The following HSD17B12 variants were observed in gnomAD, a reference collection of about 807,000 sequenced individuals.
The protein encoded by HSD17B12 is hydroxysteroid 17-beta dehydrogenase 12, also known as very-long-chain 3-oxoacyl-CoA reductase.
A neutral mutation model predicts 39.3 loss-of-function variants in HSD17B12; 32 were observed. That is an observed-to-expected ratio of 0.81 (90% CI 0.61 to 1.09). The LOEUF (loss-of-function observed/expected upper bound fraction) is 1.09, where lower values mean the gene tolerates loss of function less well. HSD17B12 is among the 50% of genes least tolerant of loss of function. The probability of loss-of-function intolerance (pLI) is 0.00; values close to 1 mark genes in which losing one functional copy is unlikely to be tolerated. For missense variants in HSD17B12, 342 were observed against 382.9 expected (o/e 0.89, Z 0.89); for synonymous variants, 150 against 146.7 (o/e 1.02, Z -0.16).
At chr11:43,733,898 A>C in intron 1 of HSD17B12, 1 of 685,314 alleles carries the variant, frequency 1.5e-6, no homozygotes, top group East Asian at 2.9e-5. Flanking sequence ...GGAGTACAGG[A>C]CATTGTAGTA....
At chr11:43,758,845 A>G (rs16937624) in intron 3 of HSD17B12, among the ~76,000 whole-genome samples, 8,214 of 152,266 alleles carry the variant, frequency 0.054, 258 homozygotes, top group East Asian at 0.11. Context: ...ATGAACTGTC[A>G]TACCACTTAT....
At chr11:43,619,174 T>TATC in the HSD17B12 span, among the ~76,000 whole-genome samples, 1 of 79,220 alleles carries the variant, frequency 1.3e-5, no homozygotes, top group South Asian at 4.0e-4. Context: ...GATATATATA[T>TATC]ATATATAAAA....
the HSD17B12 span, among the ~76,000 whole-genome samples, chr11:43,638,460 G>A: frequency 6.6e-6 from 1 of 152,126 alleles, no homozygotes; most frequent in East Asian, 1.9e-4. Flanking sequence ...AAAGGGCAAA[G>A]AGATAATCTA....
chr11:43,796,795 A>G (rs1183996168), intron 3 of HSD17B12, among the ~76,000 whole-genome samples: 1 of 151,898 alleles, frequency 6.6e-6, no homozygotes, highest in Non-Finnish European at 1.5e-5. Context: ...TTATTCTTGA[A>G]TGAAGTTTTT....
chr11:43,767,157 T>TTTTGAA (rs1950602798), intron 3 of HSD17B12, among the ~76,000 whole-genome samples: 1 of 151,826 alleles, frequency 6.6e-6, no homozygotes, highest in Non-Finnish European at 1.5e-5. Flanking sequence ...TTTAAAACAG[T>TTTTGAA]AAAGGGTCTT....
At chr11:43,632,535 A>T in the HSD17B12 span, among the ~76,000 whole-genome samples, 5,283 of 151,918 alleles carry the variant, frequency 0.035, 132 homozygotes, top group Middle Eastern at 0.058. Flanking sequence ...TGTATTTGCC[A>T]TTTTTTTTCC....
rs1479036564 is a variant in HSD17B12, at chr11:43,680,863, C to T, written c.36C>T (p.Tyr12=). The T allele has an allele frequency of 3.9e-5, 63 of 1,614,038 alleles. No individual in the cohort carries two copies. Among genetic ancestry groups the T allele is most frequent in the Non-Finnish European group, 5.1e-5 (60 of 1,180,036 alleles). ...CTCTCCCCGCCGCCGGCTTCCTGTA[C>T]TGGGTCGGCGCGGGCACCGTGGCCT... The part of the protein sequence containing the change: ...ESALPAAGFL[Y]WVGAGTVAYL... The change falls in exon 1 of 11, where the codon TAC becomes TAT. Residue 12 remains tyrosine (Y), a synonymous_variant. Coordinates refer to ENST00000278353, the MANE Select transcript of HSD17B12 (RefSeq NM_016142.3).
intron 9 of HSD17B12, 65 bp from the exon 10 acceptor site, chr11:43,854,650 A>G: frequency 6.5e-7 from 1 of 1,545,142 alleles, no homozygotes; most frequent in Non-Finnish European, 8.9e-7. Flanking sequence ...GCACCACTGT[A>G]CATTCTGAGT....
intron 9 of HSD17B12, among the ~76,000 whole-genome samples, chr11:43,842,413 G>A (rs1951435535): frequency 6.6e-6 from 1 of 152,164 alleles, no homozygotes; most frequent in South Asian, 2.1e-4. Context: ...GGGAAGCTTA[G>A]ATGTCATAGC....
chr11:43,846,048 G>T (rs16937657), intron 9 of HSD17B12, among the ~76,000 whole-genome samples: 2,139 of 152,300 alleles, frequency 0.014, 68 homozygotes, highest in African/African-American at 0.047. Flanking sequence ...TCATCGGTGT[G>T]CCTTGAGGCA....
the HSD17B12 span, among the ~76,000 whole-genome samples, chr11:43,647,063 C>G: frequency 6.6e-6 from 1 of 152,080 alleles, no homozygotes; most frequent in Non-Finnish European, 1.5e-5. Context: ...AAAATGAAAG[C>G]CTTTAATTCT....
intron 1 of HSD17B12, among the ~76,000 whole-genome samples, chr11:43,714,752 A>G (rs1475240309): frequency 6.6e-6 from 1 of 152,188 alleles, no homozygotes; most frequent in Admixed American, 6.5e-5. Context: ...CTTCCTATCT[A>G]TGAGCATGGA....
chr11:43,683,249 G>C (rs2134739418), intron 1 of HSD17B12, among the ~76,000 whole-genome samples: 3 of 152,166 alleles, frequency 2.0e-5, no homozygotes, highest in Middle Eastern at 3.4e-3. Context: ...TTTGGCCCCA[G>C]AGGAAGGATA....
At chr11:43,730,205 T>G (rs1227925802) in intron 1 of HSD17B12, among the ~76,000 whole-genome samples, 1 of 152,220 alleles carries the variant, frequency 6.6e-6, no homozygotes, top group Non-Finnish European at 1.5e-5. Flanking sequence ...CAGGTTGATT[T>G]AGCTAGCAGA....
the HSD17B12 span, among the ~76,000 whole-genome samples, chr11:43,568,173 C>T: frequency 7.9e-5 from 12 of 152,196 alleles, no homozygotes; most frequent in African/African-American, 2.9e-4. Flanking sequence ...GATCTTGGCT[C>T]ACTGCAACCT....
At chr11:43,826,454 C>T (rs925982619) in intron 6 of HSD17B12, among the ~76,000 whole-genome samples, 1 of 151,982 alleles carries the variant, frequency 6.6e-6, no homozygotes, top group Admixed American at 6.6e-5. Context: ...TATTAATTGG[C>T]ATGGAGCTCT....
chr11:43,687,187 T>C (rs1949809335), intron 1 of HSD17B12, among the ~76,000 whole-genome samples: 1 of 152,218 alleles, frequency 6.6e-6, no homozygotes, highest in Non-Finnish European at 1.5e-5. Flanking sequence ...TTCTTGTCAC[T>C]CTTAGCAAAA....
intron 1 of HSD17B12, among the ~76,000 whole-genome samples, chr11:43,737,083 T>C (rs555829779): frequency 1.2e-3 from 178 of 152,284 alleles, no homozygotes; most frequent in African/African-American, 4.0e-3. Context: ...CAATCGAGTG[T>C]TTTCTGCATT....
At chr11:43,727,862 A>G (rs1357945962) in intron 1 of HSD17B12, among the ~76,000 whole-genome samples, 2 of 152,134 alleles carry the variant, frequency 1.3e-5, no homozygotes, top group African/African-American at 4.8e-5. Flanking sequence ...GCAGTAATGT[A>G]TAGTGGGCAG....
Sources: gnomAD v4.1 joint callset for allele counts (sites outside exome capture counted in the v4.1 genomes callset) on GRCh38, gnomAD v4.1.1 for gene constraint, MANE v1.5 for transcripts, NCBI Gene and HGNC (gene_info 2026-07-23, HGNC 2026-07-21) for gene names.